Variants in PRKAR2A observed in about 807,000 individuals in gnomAD.
The protein encoded by PRKAR2A is cAMP-dependent protein kinase type II-alpha regulatory subunit.
PRKAR2A carries 29 observed loss-of-function variants against 51.9 expected under a neutral mutation model. The ratio of observed to expected loss-of-function variants is 0.56; its 90% CI spans 0.42 to 0.76. The LOEUF (loss-of-function observed/expected upper bound fraction) is 0.76. Ranked by LOEUF, PRKAR2A falls within the 30% of genes least tolerant of loss-of-function variation. The pLI, the probability that PRKAR2A is intolerant of heterozygous loss-of-function variation, is 0.00. For synonymous variants in PRKAR2A, 178 were observed against 186.2 expected (o/e 0.96, Z 0.36); for missense variants, 445 against 512.1 (o/e 0.87, Z 1.26).
intron 2 of PRKAR2A, among the ~76,000 whole-genome samples, chr3:48,799,408 A>G (rs907879068): frequency 6.6e-6 from 1 of 152,196 alleles, no homozygotes; most frequent in African/African-American, 2.4e-5. Flanking sequence ...ACCTCTTTAA[A>G]GGCTCTGTCT....
At chr3:48,806,194 A>C (rs2082673697) in intron 2 of PRKAR2A, among the ~76,000 whole-genome samples, 1 of 152,210 alleles carries the variant, frequency 6.6e-6, no homozygotes, top group Non-Finnish European at 1.5e-5. Context: ...TTCTGAAAAC[A>C]TAAATGAGCC....
At chr3:48,817,011 A>C (rs2107390322) in intron 1 of PRKAR2A, among the ~76,000 whole-genome samples, 1 of 152,068 alleles carries the variant, frequency 6.6e-6, no homozygotes, top group East Asian at 1.9e-4. Context: ...GCAAGATCTT[A>C]TCTCTTTAAA....
chr3:48,804,974 C>T (rs952682462), intron 2 of PRKAR2A, among the ~76,000 whole-genome samples: 1 of 151,880 alleles, frequency 6.6e-6, no homozygotes, highest in Admixed American at 6.6e-5. Context: ...TACAGTGGAA[C>T]GATCACAGCT....
intron 2 of PRKAR2A, 36 bp from the exon 3 acceptor site, chr3:48,794,085 T>G (rs1213260243): frequency 2.7e-5 from 40 of 1,491,554 alleles, no homozygotes; most frequent in Non-Finnish European, 3.5e-5. Flanking sequence ...AAGAATGAAT[T>G]TAACAGATGT....
chr3:48,838,654 A>AC (rs1159201458), intron 1 of PRKAR2A, among the ~76,000 whole-genome samples: 2 of 151,480 alleles, frequency 1.3e-5, no homozygotes, highest in African/African-American at 4.8e-5. Context: ...AGTATATGGG[A>AC]CTTTTTTTGG....
intron 1 of PRKAR2A, among the ~76,000 whole-genome samples, chr3:48,831,652 T>C (rs1251172087): frequency 6.6e-6 from 1 of 152,082 alleles, no homozygotes; most frequent in East Asian, 1.9e-4. Flanking sequence ...AGTCTCACTG[T>C]GTTGTCCAGG....
At chr3:48,783,923 C>T (rs1357432193) in intron 4 of PRKAR2A, among the ~76,000 whole-genome samples, 13 of 151,922 alleles carry the variant, frequency 8.6e-5, no homozygotes, top group Non-Finnish European at 1.9e-4. Flanking sequence ...AACAAAGATT[C>T]CAGGTCATCA....
intron 2 of PRKAR2A, among the ~76,000 whole-genome samples, chr3:48,806,723 A>G (rs2082679953): frequency 6.6e-6 from 1 of 152,206 alleles, no homozygotes. Flanking sequence ...AAATATTACC[A>G]AACTAGTACC....
intron 4 of PRKAR2A, among the ~76,000 whole-genome samples, chr3:48,784,308 T>C (rs2082252769): frequency 6.6e-6 from 1 of 152,190 alleles, no homozygotes; most frequent in Admixed American, 6.5e-5. Context: ...TCCATGTGAT[T>C]TTATGTTCTA....
At chr3:48,768,337 A>ATAGG (rs2081972774) in intron 6 of PRKAR2A, among the ~76,000 whole-genome samples, 1 of 151,820 alleles carries the variant, frequency 6.6e-6, no homozygotes, top group Non-Finnish European at 1.5e-5. Flanking sequence ...AGATAGATAG[A>ATAGG]TAGATATAGA....
chr3:48,829,745 G>A (rs1187005032), intron 1 of PRKAR2A, among the ~76,000 whole-genome samples: 9 of 126,374 alleles, frequency 7.1e-5, no homozygotes, highest in East Asian at 2.4e-4. Context: ...TTATATATAC[G>A]CATATATTTT....
rs779755611 is a variant in PRKAR2A, at chr3:48,847,319, C to G, written c.262+16G>C. The G allele has an allele frequency of 1.2e-5, 19 of 1,612,850 alleles. No individual in the cohort carries two copies. The highest frequency in any genetic ancestry group is 4.2e-6 in the Non-Finnish European group (5 of 1,179,480). ...GACCTCCTGCACCACTCCCCAGGGC[C>G]CCGCCCACAGCCTACCTTCCAAGTC... On this transcript the variant is annotated intron_variant, in intron 1 of 10. Coordinates refer to ENST00000265563, the MANE Select transcript of PRKAR2A (RefSeq NM_004157.4). The surrounding 1 kb of genome is among the most constrained non-coding windows in gnomAD (Gnocchi z 4.4).
chr3:48,777,956 G>A (rs2082130012), intron 5 of PRKAR2A, among the ~76,000 whole-genome samples: 1 of 152,134 alleles, frequency 6.6e-6, no homozygotes, highest in South Asian at 2.1e-4. Context: ...CTTTGGAAGT[G>A]ACATGAACTC....
At chr3:48,823,121 G>A (rs1466194191) in intron 1 of PRKAR2A, among the ~76,000 whole-genome samples, 1 of 151,688 alleles carries the variant, frequency 6.6e-6, no homozygotes, top group Non-Finnish European at 1.5e-5. Context: ...GTCCAGGCTG[G>A]TCTTGAACTC....
At chr3:48,756,539 AT>A in intron 8 of PRKAR2A, 95 bp from the exon 9 acceptor site, 1 of 913,412 alleles carries the variant, frequency 1.1e-6, no homozygotes, top group Non-Finnish European at 1.8e-6. Flanking sequence ...TCTGATTTGT[AT>A]TTATTTTTTA....
chr3:48,768,396 C>A (rs994029128), intron 6 of PRKAR2A, among the ~76,000 whole-genome samples: 1 of 151,714 alleles, frequency 6.6e-6, no homozygotes, highest in Non-Finnish European at 1.5e-5. Context: ...TACATAGATA[C>A]ATAGATAGAT....
chr3:48,811,792 TTA>T (rs1212714828), intron 1 of PRKAR2A, among the ~76,000 whole-genome samples: 5 of 152,092 alleles, frequency 3.3e-5, no homozygotes, highest in Non-Finnish European at 5.9e-5. Flanking sequence ...AAAAGATTAA[TTA>T]TATGTTATCC....
chr3:48,777,728 T>A (rs960930595), intron 5 of PRKAR2A, among the ~76,000 whole-genome samples: 2 of 151,886 alleles, frequency 1.3e-5, no homozygotes, highest in Non-Finnish European at 2.9e-5. Context: ...TATTCTAAAT[T>A]TCCTACAAAG....
intron 8 of PRKAR2A, among the ~76,000 whole-genome samples, chr3:48,760,139 A>G (rs1350838300): frequency 6.6e-6 from 1 of 152,204 alleles, no homozygotes; most frequent in Non-Finnish European, 1.5e-5. Context: ...AGATCACCTG[A>G]GGTCAGAAGC....
Sources: allele counts gnomAD v4.1 joint callset (sites outside exome capture counted in the v4.1 genomes callset), GRCh38; gene constraint gnomAD v4.1.1; non-coding constraint Gnocchi (gnomAD v3.1); transcripts MANE v1.5; gene names NCBI Gene and HGNC (gene_info 2026-07-23, HGNC 2026-07-21).